Variants in SGCZ observed in about 807,000 individuals in gnomAD.
SGCZ encodes the protein zeta-sarcoglycan.
SGCZ carries 40 observed loss-of-function variants against 41.3 expected under a neutral mutation model. The observed-to-expected ratio is 0.97, with a 90% CI of 0.75 to 1.26. The LOEUF (loss-of-function observed/expected upper bound fraction) is 1.26. Ranked by LOEUF, SGCZ falls within the 50% of genes most tolerant of loss-of-function variation. The pLI is 0.00. For synonymous variants in SGCZ, 206 were observed against 137.5 expected (o/e 1.50, Z -3.49); for missense variants, 552 against 369.8 (o/e 1.49, Z -4.04).
intron 1 of SGCZ, among the ~76,000 whole-genome samples, chr8:14,855,428 T>C (rs553332801): frequency 1.3e-5 from 2 of 152,286 alleles, no homozygotes; most frequent in African/African-American, 2.4e-5. Flanking sequence ...TGATTTATGC[T>C]TGCTATTCCC....
intron 1 of SGCZ, among the ~76,000 whole-genome samples, chr8:15,126,666 G>A (rs534960621): frequency 1.3e-5 from 2 of 152,334 alleles, no homozygotes; most frequent in African/African-American, 4.8e-5. Context: ...GTGTTGGGTA[G>A]AAATTCACCA....
Position 14,590,106 on chromosome 8 carries a change from G to GT in SGCZ, c.40-35181dup, listed in dbSNP as rs200151167. ...CCAAATTGATGAGGATTGTTCTTTG[G>GT]TAAAAAAAAGAACAGTAATAATCAA... On this transcript the variant is annotated intron_variant, in intron 1 of 7. Transcript: ENST00000382080. Among the ~76,000 whole-genome samples the GT allele has an allele frequency of 7.9e-5, 11 of 139,644 alleles. No individual in the cohort carries two copies. In the East Asian group the frequency reaches 1.9e-3, roughly 24 times the overall value. 91.6% of individuals were successfully genotyped at this position (139,644 alleles called of 152,430 possible). A position where few individuals can be genotyped will look rare whatever the true frequency, so the allele number is the denominator to read the frequency against.
intron 2 of SGCZ, among the ~76,000 whole-genome samples, chr8:14,546,703 G>A (rs1423832596): frequency 6.6e-6 from 1 of 152,100 alleles, no homozygotes; most frequent in African/African-American, 2.4e-5. Context: ...TTAATAAGCA[G>A]TAATATTGTA....
intron 6 of SGCZ, among the ~76,000 whole-genome samples, chr8:14,105,352 T>C (rs983463127): frequency 4.6e-5 from 7 of 152,122 alleles, no homozygotes; most frequent in Non-Finnish European, 1.0e-4. Flanking sequence ...AATGTATTTC[T>C]TTTCTAAAGT....
intron 1 of SGCZ, among the ~76,000 whole-genome samples, chr8:14,626,749 A>G (rs1369213095): frequency 6.6e-6 from 1 of 152,194 alleles, no homozygotes; most frequent in Non-Finnish European, 1.5e-5. Context: ...AGCATAAAAG[A>G]GATCCTTCCT....
intron 1 of SGCZ, among the ~76,000 whole-genome samples, chr8:14,668,320 T>C (rs1585167866): frequency 6.6e-6 from 1 of 152,018 alleles, no homozygotes; most frequent in East Asian, 1.9e-4. Flanking sequence ...GTGGTGATTA[T>C]ATCCCACACT....
intron 2 of SGCZ, among the ~76,000 whole-genome samples, chr8:14,340,400 T>A (rs1056966127): frequency 2.6e-5 from 4 of 152,208 alleles, no homozygotes; most frequent in Admixed American, 6.5e-5. Flanking sequence ...CTGTTCCATC[T>A]TCTTTGCTTC....
chr8:14,535,735 A>C (rs1461846), intron 2 of SGCZ, among the ~76,000 whole-genome samples: 1 of 151,812 alleles, frequency 6.6e-6, no homozygotes, highest in Non-Finnish European at 1.5e-5. Flanking sequence ...GAGGAGTGAC[A>C]CTAAAATTTC....
At chr8:14,712,895 G>A (rs1288898724) in intron 1 of SGCZ, among the ~76,000 whole-genome samples, 2 of 151,904 alleles carry the variant, frequency 1.3e-5, no homozygotes, top group Non-Finnish European at 2.9e-5. Flanking sequence ...ATTCCAAAAT[G>A]TGACCTGGTT....
At chr8:14,345,568 T>C (rs933222510) in intron 2 of SGCZ, among the ~76,000 whole-genome samples, 3 of 152,112 alleles carry the variant, frequency 2.0e-5, no homozygotes, top group Admixed American at 6.6e-5. Context: ...CTAATCTCCA[T>C]TGGGTTTAGA....
rs187004800 is a variant in SGCZ at position 15,063,684 on chromosome 8, T to G, written c.39+173901A>C. On this transcript the variant is annotated intron_variant, in intron 1 of 7. Transcript: ENST00000382080. ...ATTTAAATTATTTTTACACCCATAG[T>G]GCTTCACAGAAGACCAGTGAACCAG... Among the ~76,000 whole-genome samples, 435 of 152,322 alleles carry G rather than the reference T, an allele frequency of 2.9e-3. 3 individuals are homozygous for G. Among genetic ancestry groups the G allele is most frequent in the African/African-American group, 8.7e-3 (361 of 41,584 alleles).
At chr8:14,993,128 A>G (rs1333881765) in intron 1 of SGCZ, among the ~76,000 whole-genome samples, 1 of 152,202 alleles carries the variant, frequency 6.6e-6, no homozygotes, top group African/African-American at 2.4e-5. Context: ...ATATTATAAA[A>G]TAGCTCTTGA....
chr8:14,605,638 A>G (rs1417353700), intron 1 of SGCZ, among the ~76,000 whole-genome samples: 1 of 152,162 alleles, frequency 6.6e-6, no homozygotes. Context: ...AGGTTCCACA[A>G]ATTGGTACAT....
At chr8:14,742,078 G>C (rs1334001240) in intron 1 of SGCZ, among the ~76,000 whole-genome samples, 2 of 151,868 alleles carry the variant, frequency 1.3e-5, no homozygotes, top group East Asian at 3.9e-4. Context: ...TACTGATTTA[G>C]AGGGAAAAAA....
chr8:14,422,781 CT>C (rs1297726895), intron 2 of SGCZ, among the ~76,000 whole-genome samples: 1 of 152,218 alleles, frequency 6.6e-6, no homozygotes, highest in Non-Finnish European at 1.5e-5. Flanking sequence ...ATTAACACTA[CT>C]GTCAGCACTT....
chr8:14,248,683 G>T (rs891944356), intron 3 of SGCZ, among the ~76,000 whole-genome samples: 25 of 151,812 alleles, frequency 1.6e-4, no homozygotes, highest in African/African-American at 6.0e-4. Flanking sequence ...AGAAAAAATT[G>T]CCTTTGAGAT....
chr8:14,351,441 C>A (rs1377492711), intron 2 of SGCZ, among the ~76,000 whole-genome samples: 1 of 151,938 alleles, frequency 6.6e-6, no homozygotes, highest in Non-Finnish European at 1.5e-5. Context: ...TTTTATCTGC[C>A]ATAATTGCTT....
At chr8:14,389,160 G>A (rs931515142) in intron 2 of SGCZ, among the ~76,000 whole-genome samples, 22 of 151,786 alleles carry the variant, frequency 1.4e-4, no homozygotes, top group Non-Finnish European at 2.1e-4. Flanking sequence ...TTAGAATACC[G>A]GACAATATAC....
intron 2 of SGCZ, among the ~76,000 whole-genome samples, chr8:14,366,898 T>G (rs1327079541): frequency 6.6e-6 from 1 of 152,166 alleles, no homozygotes; most frequent in Non-Finnish European, 1.5e-5. Context: ...TCATGAGGTC[T>G]GTAACATACC....
Sources: gnomAD v4.1 joint callset for allele counts (sites outside exome capture counted in the v4.1 genomes callset) on GRCh38, gnomAD v4.1.1 for gene constraint, MANE v1.5 for transcripts, NCBI Gene and HGNC (gene_info 2026-07-23, HGNC 2026-07-21) for gene names.